The following COBL variants were observed in gnomAD, a reference collection of about 807,000 sequenced individuals.
COBL encodes protein cordon-bleu.
Under a neutral mutation model 98.8 loss-of-function variants are expected in COBL, and 51 were observed. The observed-to-expected ratio is 0.52, with a 90% CI of 0.41 to 0.65. The LOEUF is 0.65. COBL is among the 30% of genes least tolerant of loss of function. The probability of loss-of-function intolerance (pLI) is 0.00; values close to 1 mark genes in which losing one functional copy is unlikely to be tolerated. For missense variants in COBL, 1,617 were observed against 1,617.5 expected (o/e 1.00, Z 0.01); for synonymous variants, 634 against 651.7 (o/e 0.97, Z 0.41).
chr7:51,042,368 A>T (rs1444019704), intron 8 of COBL, among the ~76,000 whole-genome samples: 1 of 152,180 alleles, frequency 6.6e-6, no homozygotes, highest in Non-Finnish European at 1.5e-5. Context: ...AATTTAATTC[A>T]ATTCTTTTTG....
intron 4 of COBL, among the ~76,000 whole-genome samples, chr7:51,186,733 G>C (rs1294719586): frequency 6.6e-6 from 1 of 152,222 alleles, no homozygotes; most frequent in African/African-American, 2.4e-5. Flanking sequence ...TCTATTTTTA[G>C]AGGTGAGGCT....
intron 3 of COBL, 71 bp downstream of exon 3, chr7:51,193,308 G>A (rs1563020453): frequency 7.3e-7 from 1 of 1,361,306 alleles, no homozygotes; most frequent in Non-Finnish European, 1.0e-6. Flanking sequence ...GATAAGAAGA[G>A]CCACACTGGC....
chr7:51,104,502 T>C (rs190028427), intron 6 of COBL, among the ~76,000 whole-genome samples: 104 of 152,306 alleles, frequency 6.8e-4, no homozygotes, highest in African/African-American at 2.5e-3. Context: ...AATTTCTCCA[T>C]CTGTAAAACG....
intron 5 of COBL, among the ~76,000 whole-genome samples, chr7:51,142,685 G>A (rs1799885786): frequency 1.3e-5 from 2 of 152,194 alleles, no homozygotes; most frequent in East Asian, 1.9e-4. Flanking sequence ...CGCCCGAGCT[G>A]GTATTTTATT....
At chr7:51,315,966 C>T (rs1315524875) in intron 1 of COBL, among the ~76,000 whole-genome samples, 1 of 152,242 alleles carries the variant, frequency 6.6e-6, no homozygotes, top group Non-Finnish European at 1.5e-5. Context: ...CACTAGGACG[C>T]CCCTTCCACT....
At chr7:51,259,534 C>T (rs1479992591) in intron 1 of COBL, 1 of 685,788 alleles carries the variant, frequency 1.5e-6, no homozygotes, top group African/African-American at 1.8e-5. Context: ...AGATGGGCCA[C>T]TGAGAAGTGG....
chr7:51,106,878 TTTC>T (rs1796327894), intron 6 of COBL, among the ~76,000 whole-genome samples: 1 of 152,136 alleles, frequency 6.6e-6, no homozygotes, highest in South Asian at 2.1e-4. Flanking sequence ...GTCCTTTTTT[TTTC>T]TACCTGACTG....
chr7:51,017,574 G>C lies in COBL; in HGVS notation c.3769-6C>G. 1 of 1,613,950 alleles carries C rather than the reference G, an allele frequency of 6.2e-7. No individual in the cohort carries two copies. Among genetic ancestry groups the C allele is most frequent in the Non-Finnish European group, 8.5e-7 (1 of 1,179,818 alleles). On this transcript the variant is annotated splice_region_variant and splice_polypyrimidine_tract_variant and intron_variant, in intron 12 of 12. Transcript: ENST00000265136. ...ATTCACACGAGCAAGGGCACCTGCA[G>C]GGAAGAGAGATTCACAGTTATTTGG...
At chr7:51,255,809 G>A (rs1458651172) in intron 1 of COBL, among the ~76,000 whole-genome samples, 1 of 152,158 alleles carries the variant, frequency 6.6e-6, no homozygotes, top group East Asian at 1.9e-4. Flanking sequence ...CGATGCAGGA[G>A]CAATGCAGGC....
intron 7 of COBL, among the ~76,000 whole-genome samples, chr7:51,060,335 G>A (rs959041568): frequency 4.6e-5 from 7 of 152,190 alleles, no homozygotes; most frequent in African/African-American, 9.7e-5. Context: ...ACTTACAGTA[G>A]GCCTTATCCA....
chr7:51,262,882 T>C (rs765295575), intron 1 of COBL, among the ~76,000 whole-genome samples: 5 of 152,176 alleles, frequency 3.3e-5, no homozygotes, highest in South Asian at 2.1e-4. Flanking sequence ...CCCAGAGGCA[T>C]TGAGACCCAA....
chr7:51,081,975 T>C (rs889695678), intron 7 of COBL, among the ~76,000 whole-genome samples: 2 of 152,026 alleles, frequency 1.3e-5, no homozygotes, highest in Non-Finnish European at 2.9e-5. Flanking sequence ...GAAGCATGTC[T>C]AATGTCAAGA....
At chr7:51,185,620 C>T (rs1789417731) in intron 4 of COBL, among the ~76,000 whole-genome samples, 2 of 152,176 alleles carry the variant, frequency 1.3e-5, no homozygotes. Context: ...TGGAGGTGTT[C>T]CTGGAGGATA....
chr7:51,191,224 C>T (rs1790089040), intron 3 of COBL, 146 bp from the exon 4 acceptor site: 1 of 664,608 alleles, frequency 1.5e-6, no homozygotes, highest in Middle Eastern at 3.3e-4. Flanking sequence ...TGGGGGAAAA[C>T]AGCATAATGA....
intron 1 of COBL, among the ~76,000 whole-genome samples, chr7:51,299,028 A>G (rs963078755): frequency 3.3e-5 from 5 of 152,238 alleles, no homozygotes; most frequent in African/African-American, 1.2e-4. Flanking sequence ...TTCCTCACCC[A>G]TGAATGGCAT....
At chr7:51,302,740 A>T (rs1426628937) in intron 1 of COBL, among the ~76,000 whole-genome samples, 2 of 152,166 alleles carry the variant, frequency 1.3e-5, no homozygotes, top group Non-Finnish European at 2.9e-5. Flanking sequence ...TCTAAGAAAA[A>T]AATAATAATA....
At chr7:51,096,653 G>A (rs1795299717) in intron 6 of COBL, among the ~76,000 whole-genome samples, 1 of 151,880 alleles carries the variant, frequency 6.6e-6, no homozygotes. Flanking sequence ...TTAAAAATTA[G>A]AAAGAGACAT....
At chr7:51,198,584 C>T (rs959458464) in intron 2 of COBL, among the ~76,000 whole-genome samples, 1 of 152,200 alleles carries the variant, frequency 6.6e-6, no homozygotes, top group Non-Finnish European at 1.5e-5. Flanking sequence ...AAGCTAAACT[C>T]TCTTTTCCTA....
intron 2 of COBL, among the ~76,000 whole-genome samples, chr7:51,203,237 C>CTATTATAACAAATATCTTA (rs1563032290): frequency 8.6e-6 from 1 of 115,834 alleles, no homozygotes; most frequent in Non-Finnish European, 1.7e-5. Context: ...CCGAGGCGGG[C>CTATTATAACAAATATCTTA]GGATCACGAG....
Sources: allele counts gnomAD v4.1 joint callset (sites outside exome capture counted in the v4.1 genomes callset), GRCh38; gene constraint gnomAD v4.1.1; transcripts MANE v1.5; gene names NCBI Gene and HGNC (gene_info 2026-07-23, HGNC 2026-07-21).